CRIM1: variants seen among roughly 807,000 people sequenced by gnomAD.
CRIM1 encodes the protein cysteine-rich motor neuron 1 protein.
A neutral mutation model predicts 116.4 loss-of-function variants in CRIM1; 32 were observed. The ratio of observed to expected loss-of-function variants is 0.27; its 90% CI spans 0.21 to 0.37. The LOEUF (loss-of-function observed/expected upper bound fraction) is 0.37. Ranked by LOEUF, CRIM1 falls within the 10% of genes least tolerant of loss-of-function variation. The pLI is 1.00. For synonymous variants in CRIM1, 590 were observed against 509.2 expected (o/e 1.16, Z -2.13); for missense variants, 1,331 against 1,354.8 (o/e 0.98, Z 0.28).
intron 10 of CRIM1, among the ~76,000 whole-genome samples, chr2:36,512,968 C>T (rs1411308156): frequency 1.3e-5 from 2 of 152,314 alleles, no homozygotes; most frequent in African/African-American, 4.8e-5. Context: ...TCTGCCTTTA[C>T]CCCAGCTCCA....
At chr2:36,432,161 CT>C (rs1553382774) in intron 2 of CRIM1, among the ~76,000 whole-genome samples, 2 of 152,042 alleles carry the variant, frequency 1.3e-5, no homozygotes, top group Non-Finnish European at 2.9e-5. Flanking sequence ...ATTTTGATTC[CT>C]TTTTTGTGGG....
intron 4 of CRIM1, among the ~76,000 whole-genome samples, chr2:36,453,641 G>A (rs1397218663): frequency 6.6e-6 from 1 of 152,194 alleles, no homozygotes; most frequent in East Asian, 1.9e-4. Context: ...CAGGCATTGG[G>A]CTACCCAGCA....
rs373183520 is a variant in CRIM1, at chr2:36,522,093, T to G, written c.2208T>G (p.Asp736Glu). ...TQDSCCPQCTDQPFRPSLSRN... is the reference protein window; with the variant it reads ...TQDSCCPQCTEQPFRPSLSRN... ...TGACCTATATGTTCATTTTTCCAGA[T>G]CAACCTTTTCGGCCTTCCTTGTCCC... Residue 736 changes from aspartate to glutamate, a missense_variant and splice_region_variant, in exon 13 of 17, where the codon GAT (aspartate) becomes GAG (glutamate). By Grantham distance (45) the Asp-to-Glu change is conservative. Transcript: ENST00000280527. 6.2e-7 allele frequency: 1 copy of G among 1,613,836 alleles called. No homozygotes were observed. Among genetic ancestry groups the G allele is most frequent in the African/African-American group, 1.3e-5 (1 of 74,930 alleles).
At chr2:36,447,920 A>T (rs1676376284) in intron 4 of CRIM1, among the ~76,000 whole-genome samples, 1 of 152,192 alleles carries the variant, frequency 6.6e-6, no homozygotes, top group Non-Finnish European at 1.5e-5. Context: ...TTCGGGCAGC[A>T]TTATAGTTAA....
intron 4 of CRIM1, among the ~76,000 whole-genome samples, chr2:36,458,275 G>A (rs1310952543): frequency 1.3e-5 from 2 of 152,178 alleles, no homozygotes; most frequent in African/African-American, 4.8e-5. Flanking sequence ...ACCCACACCA[G>A]GAGGATACCT....
At chr2:36,526,423 G>A (rs1010132223) in intron 13 of CRIM1, among the ~76,000 whole-genome samples, 1 of 152,182 alleles carries the variant, frequency 6.6e-6, no homozygotes, top group Non-Finnish European at 1.5e-5. Context: ...GAGTGTACTC[G>A]TTTCTAAAGC....
chr2:36,385,552 A>G (rs1671110387), intron 1 of CRIM1, among the ~76,000 whole-genome samples: 1 of 152,236 alleles, frequency 6.6e-6, no homozygotes, highest in South Asian at 2.1e-4. Flanking sequence ...GCAAGGTGTC[A>G]TAGAGGGGCC....
chr2:36,498,686 A>C (rs1680773335), intron 7 of CRIM1, among the ~76,000 whole-genome samples: 1 of 152,124 alleles, frequency 6.6e-6, no homozygotes, highest in African/African-American at 2.4e-5. Flanking sequence ...CGTATCATCT[A>C]CCATAAGTGA....
chr2:36,503,541 C>G (rs78746239), intron 8 of CRIM1, among the ~76,000 whole-genome samples: 1 of 152,074 alleles, frequency 6.6e-6, no homozygotes, highest in Non-Finnish European at 1.5e-5. Context: ...GTCCCCGCCC[C>G]CCTTTGTTCC....
At chr2:36,397,472 G>T (rs906218992) in intron 2 of CRIM1, among the ~76,000 whole-genome samples, 1 of 152,066 alleles carries the variant, frequency 6.6e-6, no homozygotes, top group African/African-American at 2.4e-5. Flanking sequence ...AGCCAAAAGG[G>T]GTAAAGCCTG....
intron 14 of CRIM1, among the ~76,000 whole-genome samples, chr2:36,540,316 C>T (rs575928634): frequency 6.5e-4 from 99 of 152,188 alleles, no homozygotes; most frequent in Middle Eastern, 3.4e-3. Flanking sequence ...ATTCACCTCT[C>T]CCATTGCGAG....
intron 8 of CRIM1, among the ~76,000 whole-genome samples, chr2:36,504,842 T>C (rs1681278004): frequency 6.6e-6 from 1 of 152,230 alleles, no homozygotes; most frequent in African/African-American, 2.4e-5. Context: ...CATCAGTCTT[T>C]TGGCATCTTA....
chr2:36,542,113 G>C (rs530015696), intron 14 of CRIM1, among the ~76,000 whole-genome samples: 24 of 152,244 alleles, frequency 1.6e-4, no homozygotes, highest in African/African-American at 5.5e-4. Flanking sequence ...ATTTTAATCA[G>C]AGCTGAACTG....
At chr2:36,408,741 A>T (rs899491958) in intron 2 of CRIM1, among the ~76,000 whole-genome samples, 2 of 152,110 alleles carry the variant, frequency 1.3e-5, no homozygotes, top group African/African-American at 4.8e-5. Context: ...ATGATCTGGG[A>T]TTTTGGACAA....
chr2:36,512,527 A>G (rs1664758906), intron 10 of CRIM1, 133 bp downstream of exon 10: 2 of 936,774 alleles, frequency 2.1e-6, no homozygotes, highest in African/African-American at 1.6e-5. Flanking sequence ...TCTCTGTGGG[A>G]CCGTCCCACA....
At chr2:36,537,617 G>T (rs1167262230) in intron 14 of CRIM1, 71 bp downstream of exon 14, 4 of 1,440,320 alleles carry the variant, frequency 2.8e-6, no homozygotes, top group African/African-American at 2.8e-5. Context: ...AGCAGAGCTC[G>T]ACCTGCCCCT....
At chr2:36,489,434 C>T (rs995599869) in intron 7 of CRIM1, among the ~76,000 whole-genome samples, 19 of 152,330 alleles carry the variant, frequency 1.2e-4, no homozygotes, top group African/African-American at 4.6e-4. Context: ...AGCCATAAAT[C>T]TCTCATCCTT....
intron 2 of CRIM1, among the ~76,000 whole-genome samples, chr2:36,413,017 G>C (rs1344578052): frequency 6.6e-6 from 1 of 152,186 alleles, no homozygotes; most frequent in Non-Finnish European, 1.5e-5. Flanking sequence ...TAGACACATT[G>C]AGGTAGGTAG....
At chr2:36,531,894 C>T (rs1316526327) in intron 13 of CRIM1, 1 of 470,698 alleles carries the variant, frequency 2.1e-6, no homozygotes, top group Non-Finnish European at 4.4e-6. Flanking sequence ...AGATGTTTGT[C>T]TGAGCATCCC....
Sources: allele counts gnomAD v4.1 joint callset (sites outside exome capture counted in the v4.1 genomes callset), GRCh38; gene constraint gnomAD v4.1.1; transcripts MANE v1.5; gene names NCBI Gene and HGNC (gene_info 2026-07-23, HGNC 2026-07-21).